GRIP1: variants seen among roughly 807,000 people sequenced by gnomAD.
GRIP1 encodes the protein glutamate receptor interacting protein 1.
In GRIP1, 45 loss-of-function variants were observed where a neutral mutation model predicts 129.9. That is an observed-to-expected ratio of 0.35 (90% confidence interval 0.27 to 0.44). The LOEUF (loss-of-function observed/expected upper bound fraction) is 0.44. Among genes scored for constraint, GRIP1 ranks in the 20% least tolerant of loss-of-function variants. GRIP1 has a pLI of 1.00. For synonymous variants in GRIP1, 530 were observed against 520.8 expected, an observed-to-expected ratio of 1.02 and a Z score of -0.24; for missense variants, 1,196 against 1,396.8, an observed-to-expected ratio of 0.86 and a Z score of 2.29.
chr12:66,686,546 A>G (rs2034792209), intron 1 of GRIP1, among the ~76,000 whole-genome samples: 1 of 152,216 alleles, frequency 6.6e-6, no homozygotes, highest in African/African-American at 2.4e-5. Flanking sequence ...TTGTACTACA[A>G]CAACCTCCAA....
At chr12:66,433,979 T>C (rs200126312) in intron 13 of GRIP1, among the ~76,000 whole-genome samples, 1 of 152,038 alleles carries the variant, frequency 6.6e-6, no homozygotes, top group African/African-American at 2.4e-5. Flanking sequence ...AAAGTGGAGG[T>C]GATGGTTAGG....
intron 1 of GRIP1, among the ~76,000 whole-genome samples, chr12:66,802,477 T>G (rs1400748943): frequency 1.3e-5 from 2 of 152,210 alleles, no homozygotes; most frequent in Non-Finnish European, 2.9e-5. Flanking sequence ...AACTCTAGTT[T>G]GGGAATATTT....
chr12:66,347,552 G>A lies in GRIP1; in HGVS notation c.*1467C>T, dbSNP rs2054023391. The A allele has an allele frequency of 6.6e-6, 1 of 151,964 alleles. No individual in the cohort carries two copies. Among genetic ancestry groups the A allele is most frequent in the South Asian group, 2.1e-4 (1 of 4,820 alleles). 9.4% of individuals were successfully genotyped at this position (151,964 alleles called of 1,614,324 possible). A position where few individuals can be genotyped will look rare whatever the true frequency, so the allele number is the denominator to read the frequency against. On this transcript the variant is annotated 3_prime_UTR_variant, in exon 25 of 25. Coordinates refer to ENST00000359742, the MANE Select transcript of GRIP1 (RefSeq NM_001366722.1). ...GAATTCCCCAAAACCATACATAGAC[G>A]ATAAATACCATGCTATTAAAGTATT...
intron 1 of GRIP1, among the ~76,000 whole-genome samples, chr12:66,969,164 T>C (rs961863648): frequency 5.3e-5 from 8 of 152,210 alleles, no homozygotes; most frequent in African/African-American, 1.9e-4. Flanking sequence ...CATTCCGAAG[T>C]TGAATGTCAT....
At chr12:66,619,317 T>C (rs529731264) in intron 1 of GRIP1, among the ~76,000 whole-genome samples, 273 of 152,196 alleles carry the variant, frequency 1.8e-3, no homozygotes, top group Non-Finnish European at 2.8e-3. Context: ...TCATAATTCA[T>C]AATTTTAAAA....
chr12:66,747,369 G>A (rs557015734), intron 1 of GRIP1, among the ~76,000 whole-genome samples: 1 of 152,166 alleles, frequency 6.6e-6, no homozygotes, highest in Non-Finnish European at 1.5e-5. Context: ...CTGTGTACAT[G>A]AAAAGAATAT....
At chr12:66,825,483 T>A (rs2136999045) in intron 1 of GRIP1, among the ~76,000 whole-genome samples, 1 of 152,316 alleles carries the variant, frequency 6.6e-6, no homozygotes, top group East Asian at 1.9e-4. Flanking sequence ...TTAGTAAGTA[T>A]AAAATCTTAG....
At chr12:66,646,728 T>C (rs1176555061) in intron 1 of GRIP1, among the ~76,000 whole-genome samples, 1 of 152,130 alleles carries the variant, frequency 6.6e-6, no homozygotes, top group Non-Finnish European at 1.5e-5. Context: ...CCCACCCCAT[T>C]GATGGGATAA....
At chr12:66,955,504 G>GTTTT (rs71088226) in intron 1 of GRIP1, among the ~76,000 whole-genome samples, 2 of 114,536 alleles carry the variant, frequency 1.7e-5, no homozygotes, top group Non-Finnish European at 3.4e-5. Flanking sequence ...TACTTTTTTG[G>GTTTT]TTTTTTTTTT....
intron 1 of GRIP1, among the ~76,000 whole-genome samples, chr12:66,698,120 A>C (rs1417173763): frequency 6.6e-6 from 1 of 152,074 alleles, no homozygotes; most frequent in East Asian, 1.9e-4. Flanking sequence ...AAAAGAATGG[A>C]GCACATTGCT....
At chr12:66,886,879 A>G (rs1261677502) in intron 1 of GRIP1, among the ~76,000 whole-genome samples, 1 of 152,224 alleles carries the variant, frequency 6.6e-6, no homozygotes, top group African/African-American at 2.4e-5. Context: ...ACTATTGCTA[A>G]CCCTATTTTA....
chr12:67,066,075 T>G (rs1592536269), intron 1 of GRIP1, among the ~76,000 whole-genome samples: 1 of 152,224 alleles, frequency 6.6e-6, no homozygotes, highest in Admixed American at 6.5e-5. Context: ...TCTTAACATG[T>G]CATTTTGGAA....
intron 15 of GRIP1, among the ~76,000 whole-genome samples, chr12:66,414,460 G>C (rs2057513202): frequency 6.6e-6 from 1 of 152,040 alleles, no homozygotes; most frequent in Non-Finnish European, 1.5e-5. Context: ...CAAACAAATG[G>C]AAACACATTC....
chr12:66,392,196 A>C, intron 19 of GRIP1, 112 bp downstream of exon 19: 1 of 717,948 alleles, frequency 1.4e-6, no homozygotes, highest in Non-Finnish European at 2.5e-6. Flanking sequence ...GGCTGCACCA[A>C]AGCAGACACA....
chr12:66,725,219 T>C (rs76800149), intron 1 of GRIP1, among the ~76,000 whole-genome samples: 4,106 of 152,156 alleles, frequency 0.027, 84 homozygotes, highest in Middle Eastern at 0.072. Context: ...AGAGGATCAC[T>C]TGGGCCCAGG....
chr12:66,715,469 T>TGAGA lies in GRIP1; in HGVS notation c.-419-85134_-419-85133insTCTC, dbSNP rs1395457615. Among the ~76,000 whole-genome samples, 213 of 117,376 alleles carry TGAGA rather than the reference T, an allele frequency of 1.8e-3. 2 individuals carry two copies. The highest frequency in any genetic ancestry group is 4.8e-3 in the African/African-American group (156 of 32,488). The allele number at this position is 117,376 out of a possible 152,430, so 77.0% of individuals were successfully genotyped here. A position where few individuals can be genotyped will look rare whatever the true frequency, so the allele number is the denominator to read the frequency against. Reference sequence around the variant, plus strand: ...GTAGCTTGATGTGTGTGTGTGTGTGTGTGAGAGAGAGAGAGAGAGAGAGAG... The same window carrying TGAGA: ...GTAGCTTGATGTGTGTGTGTGTGTGTGAGAGTGAGAGAGAGAGAGAGAGAGAGAG... On this transcript the variant is annotated intron_variant, in intron 1 of 4. Coordinates refer to the GRIP1 transcript ENST00000538373.
intron 2 of GRIP1, among the ~76,000 whole-genome samples, chr12:66,551,415 T>C (rs917869151): frequency 6.6e-6 from 1 of 152,222 alleles, no homozygotes; most frequent in Non-Finnish European, 1.5e-5. Flanking sequence ...AGTTCTTCTT[T>C]AGATGAAAGT....
At chr12:66,548,033 A>G (rs1373942994) in intron 2 of GRIP1, among the ~76,000 whole-genome samples, 3 of 152,196 alleles carry the variant, frequency 2.0e-5, no homozygotes, top group African/African-American at 4.8e-5. Flanking sequence ...ATATGATTCA[A>G]TTGGTCTGGA....
chr12:67,027,380 G>A (rs569822606), intron 1 of GRIP1, among the ~76,000 whole-genome samples: 8 of 152,288 alleles, frequency 5.3e-5, no homozygotes, highest in African/African-American at 4.8e-5. Flanking sequence ...GGTACCTTAC[G>A]TAGCTGTTGA....
Sources: allele counts gnomAD v4.1 joint callset (sites outside exome capture counted in the v4.1 genomes callset), GRCh38; gene constraint gnomAD v4.1.1; transcripts MANE v1.5; gene names NCBI Gene and HGNC (gene_info 2026-07-23, HGNC 2026-07-21).